The following NAA11 variants were observed in gnomAD, a reference collection of about 807,000 sequenced individuals.
The protein encoded by NAA11 is N-alpha-acetyltransferase 11, NatA catalytic subunit, also known as N-alpha-acetyltransferase 11.
NAA11 carries 15 observed loss-of-function variants against 16.1 expected under a neutral mutation model. That is an observed-to-expected ratio of 0.93 (90% CI 0.62 to 1.44). NAA11 has a LOEUF of 1.44. Ranked by LOEUF, NAA11 falls within the 40% of genes most tolerant of loss-of-function variation. The pLI is 0.00. For missense variants in NAA11, 298 were observed against 291.3 expected (o/e 1.02, Z -0.17); for synonymous variants, 122 against 112.4 (o/e 1.09, Z -0.54).
intron 2 of NAA11, among the ~76,000 whole-genome samples, chr4:79,245,901 C>A (rs71515900): frequency 1.3e-5 from 2 of 152,172 alleles, no homozygotes; most frequent in African/African-American, 4.8e-5. Context: ...TCATTGAGAA[C>A]GGGCCATGAT....
intron 1 of NAA11, among the ~76,000 whole-genome samples, chr4:79,323,997 T>A (rs1386083229): frequency 8.1e-6 from 1 of 122,894 alleles, no homozygotes; most frequent in South Asian, 2.9e-4. Context: ...AACGAGACTC[T>A]GTCTCAAAAA....
intron 2 of NAA11, among the ~76,000 whole-genome samples, chr4:79,271,788 A>G (rs371585936): frequency 6.0e-4 from 91 of 152,140 alleles, no homozygotes; most frequent in Middle Eastern, 3.4e-3. Flanking sequence ...ATGAAGTGAA[A>G]GGGAACTCAT....
intron 2 of NAA11, among the ~76,000 whole-genome samples, chr4:79,268,644 T>C (rs1237364668): frequency 6.6e-6 from 1 of 152,134 alleles, no homozygotes; most frequent in East Asian, 1.9e-4. Context: ...AATGACTGCA[T>C]AAGGAATCCT....
chr4:79,208,947 A>AAAAAAC, the NAA11 span, among the ~76,000 whole-genome samples: 190 of 140,948 alleles, frequency 1.3e-3, no homozygotes, highest in South Asian at 4.3e-3. Flanking sequence ...AAAAAAAAAA[A>AAAAAAC]CCCCAAAAAA....
intron 2 of NAA11, among the ~76,000 whole-genome samples, chr4:79,230,174 A>T (rs1181951542): frequency 6.6e-6 from 1 of 151,944 alleles, no homozygotes; most frequent in Non-Finnish European, 1.5e-5. Flanking sequence ...TATCGCAAGA[A>T]CAAAAAACCA....
intron 2 of NAA11, among the ~76,000 whole-genome samples, chr4:79,278,476 T>C (rs954849689): frequency 2.6e-5 from 4 of 152,152 alleles, no homozygotes; most frequent in African/African-American, 4.8e-5. Flanking sequence ...ATAATCGCCT[T>C]GCACTTTATT....
intron 2 of NAA11, among the ~76,000 whole-genome samples, chr4:79,281,481 C>A (rs1330919585): frequency 6.6e-6 from 1 of 151,728 alleles, no homozygotes; most frequent in Non-Finnish European, 1.5e-5. Context: ...GAGTACCCAC[C>A]AAATATCATG....
chr4:79,263,504 C>T (rs1337265973), intron 2 of NAA11, among the ~76,000 whole-genome samples: 1 of 152,096 alleles, frequency 6.6e-6, no homozygotes, highest in Non-Finnish European at 1.5e-5. Context: ...AGAGGTCTAG[C>T]AAGACTAATG....
intron 2 of NAA11, among the ~76,000 whole-genome samples, chr4:79,264,349 A>G (rs1305458107): frequency 6.6e-6 from 1 of 152,174 alleles, no homozygotes; most frequent in African/African-American, 2.4e-5. Flanking sequence ...TTTTTTAAAA[A>G]TTTGTATCAT....
chr4:79,278,168 G>C (rs746227032), intron 2 of NAA11, among the ~76,000 whole-genome samples: 1 of 151,876 alleles, frequency 6.6e-6, no homozygotes, highest in Non-Finnish European at 1.5e-5. Context: ...CCTCTCCACT[G>C]CCTTATTTTT....
chr4:79,296,196 C>T (rs1371928163), intron 1 of NAA11, among the ~76,000 whole-genome samples: 1 of 152,116 alleles, frequency 6.6e-6, no homozygotes, highest in Non-Finnish European at 1.5e-5. Context: ...TTACATTGAC[C>T]TAGTTAATCT....
At chr4:79,323,398 G>C (rs757814156) in intron 1 of NAA11, among the ~76,000 whole-genome samples, 5 of 152,182 alleles carry the variant, frequency 3.3e-5, no homozygotes, top group African/African-American at 4.8e-5. Flanking sequence ...GTATTAAGAA[G>C]TACAAGAGCT....
the NAA11 span, among the ~76,000 whole-genome samples, chr4:79,170,379 G>A: frequency 2.6e-4 from 39 of 152,258 alleles, no homozygotes; most frequent in Admixed American, 3.9e-4. Flanking sequence ...ACATCATGCT[G>A]GAGACATGGA....
At chr4:79,166,725 T>A in the NAA11 span, among the ~76,000 whole-genome samples, 1 of 148,584 alleles carries the variant, frequency 6.7e-6, no homozygotes, top group Non-Finnish European at 1.5e-5. Flanking sequence ...AAAAATTAGC[T>A]GGGCGTGGTG....
chr4:79,310,324 C>A (rs919598872), intron 1 of NAA11, among the ~76,000 whole-genome samples: 1 of 152,170 alleles, frequency 6.6e-6, no homozygotes, highest in Admixed American at 6.6e-5. Flanking sequence ...TATTTTGGTA[C>A]CCTTAATATT....
chr4:79,302,203 G>T (rs890954198), intron 1 of NAA11, among the ~76,000 whole-genome samples: 2 of 152,136 alleles, frequency 1.3e-5, no homozygotes, highest in Non-Finnish European at 2.9e-5. Context: ...TTATATTACA[G>T]ATTTCTGCTT....
At chr4:79,214,138 T>C in the NAA11 span, among the ~76,000 whole-genome samples, 1 of 152,328 alleles carries the variant, frequency 6.6e-6, no homozygotes, top group South Asian at 2.1e-4. Flanking sequence ...GTATTTTTTA[T>C]GGTGATGACT....
chr4:79,222,186 A>C (rs2109949212), downstream of NAA11, among the ~76,000 whole-genome samples: 1 of 152,178 alleles, frequency 6.6e-6, no homozygotes, highest in Middle Eastern at 3.4e-3. Context: ...GTATTCTCTG[A>C]TGGTAGTTTG....
At chr4:79,212,478 A>G in the NAA11 span, among the ~76,000 whole-genome samples, 1 of 151,790 alleles carries the variant, frequency 6.6e-6, no homozygotes, top group South Asian at 2.1e-4. Flanking sequence ...TGTCATGTAC[A>G]TGGCCTTTGC....
Sources: allele counts gnomAD v4.1 joint callset (sites outside exome capture counted in the v4.1 genomes callset), GRCh38; gene constraint gnomAD v4.1.1; transcripts MANE v1.5; gene names NCBI Gene and HGNC (gene_info 2026-07-23, HGNC 2026-07-21).